The following PCDHGA7 variants were observed in gnomAD, a reference collection of about 807,000 sequenced individuals.
The protein encoded by PCDHGA7 is protocadherin gamma-A7.
A neutral mutation model predicts 58.3 loss-of-function variants in PCDHGA7; 44 were observed. That is an observed-to-expected ratio of 0.75 (90% CI 0.59 to 0.97). The LOEUF is 0.97. Among genes scored for constraint, PCDHGA7 ranks in the 50% least tolerant of loss-of-function variants. The pLI is 0.00. For missense variants in PCDHGA7, 1,266 were observed against 1,188.7 expected, an observed-to-expected ratio of 1.06 and a Z score of -0.96; for synonymous variants, 516 against 504.2, an observed-to-expected ratio of 1.02 and a Z score of -0.31.
rs764434052 is a variant in PCDHGA7, at chr5:141,431,792, C to T, written c.2424+46469C>T. ...TGTTCTGGACGTGAACGACAATGCC[C>T]CAGAAGTGGTCCTCACCTCTCTCGC... is the stretch of plus-strand genomic sequence containing the variant. On this transcript the variant is annotated intron_variant, in intron 1 of 3. Transcript: ENST00000518325. This position sits in a 1 kb window ranked among gnomAD's most constrained non-coding sequence, Gnocchi z 4.8. The T allele has an allele frequency of 3.7e-6, 6 of 1,614,234 alleles. No homozygotes were observed. The South Asian group carries it at 6.6e-5, about 18-fold the overall frequency.
rs370284141 is a variant in PCDHGA7, at chr5:141,421,654, G to A, written c.2424+36331G>A. On this transcript the variant is annotated intron_variant, in intron 1 of 3. Coordinates refer to ENST00000518325, the MANE Select transcript of PCDHGA7 (RefSeq NM_018920.4). ...CCAGGAGGACGAAGTGGAGATAAAA[G>A]TCAGTGAGCACGCAATTCCTGGGGC... The A allele has an allele frequency of 3.5e-5, 57 of 1,613,746 alleles. No individual in the cohort carries two copies. Among genetic ancestry groups the A allele is most frequent in the Admixed American group, 5.0e-5 (3 of 59,974 alleles).
chr5:141,393,098 C>G (rs1172367083), intron 1 of PCDHGA7: 1 of 1,613,610 alleles, frequency 6.2e-7, no homozygotes, highest in African/African-American at 1.3e-5. Flanking sequence ...GGGAGGAGCT[C>G]TGCGCTCAGA....
At chr5:141,444,178 TTTTTTTTTTTG>T in intron 1 of PCDHGA7, among the ~76,000 whole-genome samples, 1 of 134,050 alleles carries the variant, frequency 7.5e-6, no homozygotes, top group Admixed American at 7.5e-5. Flanking sequence ...TTTTTTTTTT[TTTTTTTTTTTG>T]AGATGGAGTT....
At chr5:141,443,631 T>C (rs541727440) in intron 1 of PCDHGA7, among the ~76,000 whole-genome samples, 1 of 152,332 alleles carries the variant, frequency 6.6e-6, no homozygotes, top group South Asian at 2.1e-4. Context: ...ATTGTAAAAA[T>C]TGATCCAGAT....
chr5:141,508,910 A>T (rs2099872999), intron 3 of PCDHGA7, among the ~76,000 whole-genome samples: 1 of 151,906 alleles, frequency 6.6e-6, no homozygotes, highest in Non-Finnish European at 1.5e-5. Context: ...GCGGTGGCGG[A>T]TCTGGCTTCC....
chr5:141,475,013 G>T (rs950376592), intron 1 of PCDHGA7, among the ~76,000 whole-genome samples: 1 of 152,176 alleles, frequency 6.6e-6, no homozygotes, highest in African/African-American at 2.4e-5. Context: ...AAAAGTTAAG[G>T]CTCTTTATTC....
intron 1 of PCDHGA7, among the ~76,000 whole-genome samples, chr5:141,445,668 G>C (rs899062385): frequency 6.6e-6 from 1 of 152,156 alleles, no homozygotes; most frequent in Non-Finnish European, 1.5e-5. Flanking sequence ...ATGAGTAGAA[G>C]TTATCTAGGT....
At chr5:141,395,078 G>C in intron 1 of PCDHGA7, 1 of 1,614,126 alleles carries the variant, frequency 6.2e-7, no homozygotes, top group Non-Finnish European at 8.5e-7. Flanking sequence ...CCTATTCCCA[G>C]GAAGTCTCCC....
Position 141,418,943 on chromosome 5 carries a change from C to T in PCDHGA7, c.2424+33620C>T, listed in dbSNP as rs751344893. On this transcript the variant is annotated intron_variant, in intron 1 of 3. Coordinates refer to ENST00000518325, the MANE Select transcript of PCDHGA7 (RefSeq NM_018920.4). ...TGATCAGATTATGGAGGATTCCCCT[C>T]CAGGAGTGGTTGTTGCCCTCTTCAA... The T allele has an allele frequency of 3.1e-6, 5 of 1,613,914 alleles. No homozygotes were observed. The African/African-American group carries it at 6.7e-5, about 22-fold the overall frequency.
At chr5:141,419,889 A>T in intron 1 of PCDHGA7, 1 of 1,614,084 alleles carries the variant, frequency 6.2e-7, no homozygotes, top group Middle Eastern at 1.6e-4. Flanking sequence ...GATTTCAGCG[A>T]CCATCCCACA....
rs2099413746 is a variant in PCDHGA7, at chr5:141,477,589, G to A, written c.2425-17218G>A. ...ACCCCGACGCCCCGCAGAATGCTCGGCTTTCTTTCTTTCTCTTGGAGCAAG... is the reference window on the plus strand; with the variant it reads ...ACCCCGACGCCCCGCAGAATGCTCGACTTTCTTTCTTTCTCTTGGAGCAAG... On this transcript the variant is annotated intron_variant, in intron 1 of 3. Transcript: ENST00000518325. The surrounding 1 kb of genome is among the most constrained non-coding windows in gnomAD (Gnocchi z 4.9). 1 of 1,614,012 alleles carries A rather than the reference G, an allele frequency of 6.2e-7. No individual in the cohort carries two copies. The highest frequency in any genetic ancestry group is 1.1e-5 in the South Asian group (1 of 91,090).
In PCDHGA7 at chr5:141,389,482, G is replaced by A. The variant is rs766365115; in HGVS notation, c.2424+4159G>A. ...GCCTTCGAACTCACACTGCAGGCCC[G>A]CGACCAGGGCTCGCCAGCGCTCAGC... is the stretch of plus-strand genomic sequence containing the variant. On this transcript the variant is annotated intron_variant, in intron 1 of 3. Transcript: ENST00000518325. 4 of 1,613,080 alleles carry A rather than the reference G, an allele frequency of 2.5e-6. No homozygotes were observed. The South Asian group carries it at 3.3e-5, about 13-fold the overall frequency.
intron 1 of PCDHGA7, among the ~76,000 whole-genome samples, chr5:141,455,082 G>A (rs1323760148): frequency 1.3e-5 from 2 of 151,932 alleles, no homozygotes; most frequent in African/African-American, 2.4e-5. Context: ...AAAGTGCTGG[G>A]ATTACAGGCT....
chr5:141,479,625 T>C (rs2099501262), intron 1 of PCDHGA7: 1 of 152,228 alleles, frequency 6.6e-6, no homozygotes, highest in Non-Finnish European at 1.5e-5. Flanking sequence ...ACCATGTCTC[T>C]TTAACAATAA....
At chr5:141,410,746 C>T in intron 1 of PCDHGA7, 1 of 1,269,920 alleles carries the variant, frequency 7.9e-7, no homozygotes, top group Non-Finnish European at 1.1e-6. Flanking sequence ...ACAATATTTT[C>T]TCAATGTTTT....
In PCDHGA7 at chr5:141,486,600, C is replaced by G. The variant is rs748395954; in HGVS notation, c.2425-8207C>G. Reference sequence around the variant, plus strand: ...AATCGCCCAGGGGACCTGCTTTGCTCCCTTGCAGCCTCTGACCCAGACTCT... The same window carrying G: ...AATCGCCCAGGGGACCTGCTTTGCTGCCTTGCAGCCTCTGACCCAGACTCT... On this transcript the variant is annotated intron_variant, in intron 1 of 3. Transcript: ENST00000518325. This position sits in a 1 kb window ranked among gnomAD's most constrained non-coding sequence, Gnocchi z 5.0. 21 of 1,613,602 alleles carry G rather than the reference C, an allele frequency of 1.3e-5. No individual in the cohort carries two copies. Among genetic ancestry groups the G allele is most frequent in the South Asian group, 2.2e-5 (2 of 91,086 alleles).
At position 141,408,540 on chromosome 5, in the gene PCDHGA7, C is replaced by T. The variant is rs201370009; in HGVS notation, c.2424+23217C>T. On this transcript the variant is annotated intron_variant, in intron 1 of 3. Transcript: ENST00000518325. ...CAATTGGAAGCTGTGGTGGAAAATCCTTTAAATATTTTTCATGTCATTGTG... is the reference window on the plus strand; with the variant it reads ...CAATTGGAAGCTGTGGTGGAAAATCTTTTAAATATTTTTCATGTCATTGTG... The T allele has an allele frequency of 1.6e-3, 2,593 of 1,614,046 alleles. 3 individuals are homozygous for T. Among genetic ancestry groups the T allele is most frequent in the Middle Eastern group, 4.5e-3 (27 of 6,062 alleles).
intron 2 of PCDHGA7, among the ~76,000 whole-genome samples, chr5:141,498,825 C>A (rs2099786017): frequency 6.6e-6 from 1 of 151,974 alleles, no homozygotes; most frequent in Admixed American, 6.6e-5. Flanking sequence ...CCCAGCTACT[C>A]AGGAGGCTGA....
At position 141,486,368 on chromosome 5, in the gene PCDHGA7, T is replaced by C. The variant is rs1217513529; in HGVS notation, c.2425-8439T>C. 6.2e-7 allele frequency: 1 copy of C among 1,614,014 alleles called. No homozygotes were observed. Among genetic ancestry groups the C allele is most frequent in the Non-Finnish European group, 8.5e-7 (1 of 1,180,000 alleles). On this transcript the variant is annotated intron_variant, in intron 1 of 3. Coordinates refer to ENST00000518325, the MANE Select transcript of PCDHGA7 (RefSeq NM_018920.4). This position sits in a 1 kb window ranked among gnomAD's most constrained non-coding sequence, Gnocchi z 5.0. ...TGACCACTTGCCATTTGCCCTCAAGTCTGCCTTCAGGAACCAGTTCTCCCT... is the reference window on the plus strand; with the variant it reads ...TGACCACTTGCCATTTGCCCTCAAGCCTGCCTTCAGGAACCAGTTCTCCCT...
Sources: allele counts gnomAD v4.1 joint callset (sites outside exome capture counted in the v4.1 genomes callset), GRCh38; gene constraint gnomAD v4.1.1; non-coding constraint Gnocchi (gnomAD v3.1); transcripts MANE v1.5; gene names NCBI Gene and HGNC (gene_info 2026-07-23, HGNC 2026-07-21).